MYT1L: variants seen among roughly 807,000 people sequenced by gnomAD.
MYT1L encodes myelin transcription factor 1 like, also known as myelin transcription factor 1-like protein.
Under a neutral mutation model 126.7 loss-of-function variants are expected in MYT1L, and 12 were observed. That is an observed-to-expected ratio of 0.09 (90% confidence interval 0.06 to 0.15). MYT1L has a LOEUF of 0.15. MYT1L is among the 10% of genes least tolerant of loss of function. The probability of loss-of-function intolerance (pLI) is 1.00; values close to 1 mark genes in which losing one functional copy is unlikely to be tolerated. For synonymous variants in MYT1L, 541 were observed against 604.2 expected, an observed-to-expected ratio of 0.90 and a Z score of 1.53; for missense variants, 979 against 1,585.2, an observed-to-expected ratio of 0.62 and a Z score of 6.49.
At chr2:1,820,822 C>T (rs531868306) in intron 21 of MYT1L, among the ~76,000 whole-genome samples, 1 of 152,284 alleles carries the variant, frequency 6.6e-6, no homozygotes, top group East Asian at 1.9e-4. Flanking sequence ...ACTGGGATTA[C>T]AGGTGTGAGC....
chr2:1,899,840 GCAGACACACAGA>G (rs2050102961), intron 14 of MYT1L, among the ~76,000 whole-genome samples: 1 of 152,190 alleles, frequency 6.6e-6, no homozygotes, highest in Admixed American at 6.5e-5. Flanking sequence ...AGATGGATAG[GCAGACACACAGA>G]CAGACACATA....
intron 3 of MYT1L, among the ~76,000 whole-genome samples, chr2:2,096,290 T>C (rs1034882088): frequency 1.3e-5 from 2 of 152,216 alleles, no homozygotes; most frequent in Non-Finnish European, 2.9e-5. Context: ...GCAAGGGACA[T>C]GCACACAGAC....
intron 21 of MYT1L, among the ~76,000 whole-genome samples, chr2:1,830,996 C>CAA (rs1022568373): frequency 1.3e-5 from 2 of 152,198 alleles, no homozygotes; most frequent in Non-Finnish European, 2.9e-5. Context: ...GTGTTGGGGA[C>CAA]AAAAGTGTGC....
At chr2:2,235,669 C>T (rs1044798919) in intron 2 of MYT1L, among the ~76,000 whole-genome samples, 4 of 152,174 alleles carry the variant, frequency 2.6e-5, no homozygotes, top group Non-Finnish European at 5.9e-5. Flanking sequence ...AGAGTGAACA[C>T]GCAGCCCCTC....
intron 18 of MYT1L, among the ~76,000 whole-genome samples, chr2:1,856,409 T>C (rs555772572): frequency 1.3e-5 from 2 of 152,336 alleles, no homozygotes; most frequent in South Asian, 4.1e-4. Flanking sequence ...ATCTAGGCAT[T>C]AGAATACATC....
At chr2:2,233,781 G>A (rs745707746) in intron 2 of MYT1L, among the ~76,000 whole-genome samples, 65 of 152,188 alleles carry the variant, frequency 4.3e-4, no homozygotes, top group Middle Eastern at 3.2e-3. Context: ...GGCAGCCCCT[G>A]TGGGCTGCAA....
chr2:2,289,726 T>G (rs2095571357), intron 1 of MYT1L, among the ~76,000 whole-genome samples: 1 of 152,186 alleles, frequency 6.6e-6, no homozygotes, highest in Non-Finnish European at 1.5e-5. Context: ...CCTCTCTAAC[T>G]GGGGTGAGAG....
chr2:1,871,618 C>G (rs975321309), intron 18 of MYT1L, among the ~76,000 whole-genome samples: 1 of 152,162 alleles, frequency 6.6e-6, no homozygotes, highest in Non-Finnish European at 1.5e-5. Flanking sequence ...ATCGAGGGTC[C>G]CTGTGCCCCT....
chr2:2,320,536 G>A (rs891248317), intron 1 of MYT1L, among the ~76,000 whole-genome samples: 7 of 151,810 alleles, frequency 4.6e-5, no homozygotes, highest in Non-Finnish European at 1.5e-5. Flanking sequence ...GGAGGGTGGG[G>A]GAGACAAGCA....
intron 1 of MYT1L, among the ~76,000 whole-genome samples, chr2:2,287,779 T>C (rs747401119): frequency 2.6e-5 from 4 of 152,238 alleles, no homozygotes; most frequent in East Asian, 1.9e-4. Flanking sequence ...TCTGTGTGGA[T>C]ATCACCACGT....
intron 4 of MYT1L, among the ~76,000 whole-genome samples, chr2:2,037,281 A>T (rs1472977305): frequency 1.3e-5 from 2 of 152,200 alleles, no homozygotes; most frequent in Non-Finnish European, 2.9e-5. Context: ...TAACTGGGAA[A>T]GTGCCCACGT....
chr2:2,159,671 T>C (rs2087496721), intron 3 of MYT1L, among the ~76,000 whole-genome samples: 1 of 151,982 alleles, frequency 6.6e-6, no homozygotes, highest in Non-Finnish European at 1.5e-5. Flanking sequence ...CCTGGAGAAT[T>C]GAATATCTCT....
intron 3 of MYT1L, among the ~76,000 whole-genome samples, chr2:2,143,799 G>C (rs888870091): frequency 3.3e-5 from 5 of 152,080 alleles, no homozygotes; most frequent in Non-Finnish European, 7.4e-5. Context: ...GAACGAAATC[G>C]TGTCCTTTGC....
chr2:2,023,457 C>T (rs1006811309), intron 4 of MYT1L, among the ~76,000 whole-genome samples: 2 of 152,150 alleles, frequency 1.3e-5, no homozygotes, highest in Non-Finnish European at 2.9e-5. Context: ...TGGGCAATCT[C>T]TCTCTCTCCA....
rs901570186 is a variant in MYT1L, at chr2:1,943,391, T to C, written c.153-57A>G. 2.0e-6 allele frequency: 3 copies of C among 1,467,764 alleles called. No homozygotes were observed. Among genetic ancestry groups the C allele is most frequent in the Non-Finnish European group, 2.7e-6 (3 of 1,112,176 alleles). 90.9% of individuals were successfully genotyped at this position (1,467,764 alleles called of 1,614,324 possible). A position where few individuals can be genotyped will look rare whatever the true frequency, so the allele number is the denominator to read the frequency against. ...GAGAGAAAAAAAATATCTGTGTTAC[T>C]GTCTTTTAAAATCAGACCAATGGGG... is the stretch of plus-strand genomic sequence containing the variant. On this transcript the variant is annotated intron_variant, in intron 8 of 24. Transcript: ENST00000647738. The surrounding 1 kb of genome is among the most constrained non-coding windows in gnomAD (Gnocchi z 4.4).
At chr2:2,295,565 CAGAGAGAGAGAGAGAG>C (rs60405946) in intron 1 of MYT1L, among the ~76,000 whole-genome samples, 2 of 33,836 alleles carry the variant, frequency 5.9e-5, no homozygotes, top group African/African-American at 2.6e-4. Context: ...GACAGACAGA[CAGAGAGAGAGAGAGAG>C]AGACAGACAG....
intron 8 of MYT1L, among the ~76,000 whole-genome samples, chr2:1,945,616 G>A (rs1185499997): frequency 6.6e-6 from 1 of 152,118 alleles, no homozygotes; most frequent in Non-Finnish European, 1.5e-5. Flanking sequence ...CAGCTGTAAA[G>A]TCAGAAAAAT....
intron 1 of MYT1L, among the ~76,000 whole-genome samples, chr2:2,288,720 T>C (rs1329627018): frequency 2.6e-5 from 4 of 152,208 alleles, no homozygotes; most frequent in Non-Finnish European, 5.9e-5. Flanking sequence ...ATTATATTTA[T>C]ATTAGACAGT....
chr2:2,080,937 T>C (rs918782238), intron 3 of MYT1L, among the ~76,000 whole-genome samples: 3 of 152,178 alleles, frequency 2.0e-5, no homozygotes, highest in East Asian at 1.9e-4. Context: ...ATTCTATTTA[T>C]GTAAAATGTC....
Sources: gnomAD v4.1 joint callset for allele counts (sites outside exome capture counted in the v4.1 genomes callset) on GRCh38, gnomAD v4.1.1 for gene constraint, Gnocchi (gnomAD v3.1) non-coding constraint, MANE v1.5 for transcripts, NCBI Gene and HGNC (gene_info 2026-07-23, HGNC 2026-07-21) for gene names.